MYH15: variants seen among roughly 807,000 people sequenced by gnomAD.
MYH15 encodes the protein myosin-15.
In MYH15, 227 loss-of-function variants were observed where a neutral mutation model predicts 240.5. The ratio of observed to expected loss-of-function variants is 0.94; its 90% CI spans 0.85 to 1.05. MYH15 has a LOEUF of 1.05. Ranked by LOEUF, MYH15 falls within the 50% of genes least tolerant of loss-of-function variation. The probability of loss-of-function intolerance (pLI) is 0.00; values close to 1 mark genes in which losing one functional copy is unlikely to be tolerated. For missense variants in MYH15, 2,217 were observed against 2,247.5 expected (o/e 0.99, Z 0.27); for synonymous variants, 785 against 796.7 (o/e 0.99, Z 0.25).
intron 3 of MYH15, among the ~76,000 whole-genome samples, chr3:108,500,850 T>A (rs2603131): frequency 3.9e-5 from 6 of 152,140 alleles, no homozygotes; most frequent in African/African-American, 1.4e-4. Flanking sequence ...TGTGTTCTTA[T>A]AAGAGACACA....
At chr3:108,533,118 C>CTTTA (rs770730395), upstream of MYH15, among the ~76,000 whole-genome samples, 1 of 97,686 alleles carries the variant, frequency 1.0e-5, no homozygotes, top group Non-Finnish European at 1.9e-5. Flanking sequence ...ACAATAAAAG[C>CTTTA]TTTTTTTTTT....
At chr3:108,527,310 C>A (rs1478897225) in intron 1 of MYH15, among the ~76,000 whole-genome samples, 1 of 152,100 alleles carries the variant, frequency 6.6e-6, no homozygotes, top group Admixed American at 6.6e-5. Flanking sequence ...GCCAGCCCTA[C>A]AAAACAGCCT....
intron 10 of MYH15, 99 bp from the exon 11 acceptor site, chr3:108,485,328 G>A: frequency 3.0e-6 from 4 of 1,327,448 alleles, no homozygotes; most frequent in Non-Finnish European, 4.2e-6. Context: ...TGGGCTGAGG[G>A]GAATGAGACA....
In MYH15 at chr3:108,456,771, T is replaced by C; in HGVS notation, c.2133A>G (p.Lys711=). 6.2e-7 allele frequency: 1 copy of C among 1,608,668 alleles called. No homozygotes were observed. The highest frequency in any genetic ancestry group is 8.5e-7 in the Non-Finnish European group (1 of 1,175,208). Residue 711 remains lysine (K), a synonymous_variant, in exon 19 of 41, where the codon AAA becomes AAG. Transcript: ENST00000693548. The stretch of plus-strand genomic sequence containing the variant: ...ATCCTAGAATGTAGGTTTACCTTTG[T>C]TTAAAATCAGCATACTGCAGTCGGT... ...FPNRLQYADF[K]QRYCILNPRT... is the part of the protein sequence containing the mutation.
At chr3:108,393,394 G>A (rs577676095) in intron 36 of MYH15, among the ~76,000 whole-genome samples, 1 of 152,164 alleles carries the variant, frequency 6.6e-6, no homozygotes, top group Non-Finnish European at 1.5e-5. Flanking sequence ...CGCTAACCAT[G>A]CCCGCTGAGA....
At chr3:108,527,756 T>C (rs2083683843) in intron 1 of MYH15, among the ~76,000 whole-genome samples, 1 of 152,188 alleles carries the variant, frequency 6.6e-6, no homozygotes, top group Non-Finnish European at 1.5e-5. Flanking sequence ...GTGTGAATCA[T>C]AACTCTGTTC....
rs774364586 is a variant in MYH15 at position 108,399,127 on chromosome 3, C to T, written c.4877G>A (p.Arg1626Gln). The change falls in exon 34 of 41, where the codon CGG (arginine) becomes CAG (glutamine). Residue 1626 changes from arginine to glutamine, a missense_variant. Physicochemically the swap from Arg to Gln is conservative, Grantham distance 43. Transcript: ENST00000693548. Reference protein sequence around the residue: ...EMELQLSCANRQVSEATKSLG... With the variant: ...EMELQLSCANQQVSEATKSLG... ...GGATTTGGTTGCTTCTGACACCTGC[C>T]GGTTGGCACAGCTAAGCTGGAGTTC... 59 of 1,614,068 alleles carry T rather than the reference C, an allele frequency of 3.7e-5. 1 individual carries two copies. In the Middle Eastern group the frequency reaches 6.6e-4, roughly 18 times the overall value.
At chr3:108,550,995 T>C in the MYH15 span, 4 of 370,070 alleles carry the variant, frequency 1.1e-5, no homozygotes, top group Non-Finnish European at 1.9e-5. Flanking sequence ...AACTATCAAA[T>C]AAAAAACATG....
chr3:108,515,365 G>A (rs2083553362), upstream of MYH15, among the ~76,000 whole-genome samples: 1 of 152,178 alleles, frequency 6.6e-6, no homozygotes, highest in African/African-American at 2.4e-5. Context: ...TCACAGGGAT[G>A]AGGAGAAGCA....
In MYH15 at chr3:108,426,639, C is replaced by T. The variant is rs1025641601; in HGVS notation, c.3702+1853G>A. ...GGATATTTTGGAGAGCCTTGGGGTT[C>T]AGGCAGAGAATTGCCATGGAAGCAG... On this transcript the variant is annotated intron_variant, in intron 27 of 40. Coordinates refer to ENST00000693548, the MANE Select transcript of MYH15 (RefSeq NM_014981.3). Among the ~76,000 whole-genome samples, 4 of 152,348 alleles carry T rather than the reference C, an allele frequency of 2.6e-5. No homozygotes were observed. The East Asian group carries it at 5.8e-4, about 22-fold the overall frequency.
the MYH15 span, among the ~76,000 whole-genome samples, chr3:108,540,264 G>A: frequency 6.6e-6 from 1 of 152,170 alleles, no homozygotes; most frequent in African/African-American, 2.4e-5. Context: ...GTTAGCTAAA[G>A]TCATGTGTAT....
chr3:108,480,889 C>CAA (rs1366190022), intron 11 of MYH15, among the ~76,000 whole-genome samples: 1 of 152,150 alleles, frequency 6.6e-6, no homozygotes, highest in Non-Finnish European at 1.5e-5. Context: ...TGCCCTTCCC[C>CAA]GTTCCTTCTT....
Position 108,398,574 on chromosome 3 carries a change from A to C in MYH15, c.5133+63T>G, listed in dbSNP as rs559707314. ...CTGTGCATGGTCCAAGGCCGCCCCA[A>C]GTGTGGGAACCACTGCCTTCAACCA... On this transcript the variant is annotated intron_variant, in intron 35 of 40. Coordinates refer to ENST00000693548, the MANE Select transcript of MYH15 (RefSeq NM_014981.3). 2 of 1,547,106 alleles carry C rather than the reference A, an allele frequency of 1.3e-6. 1 individual carries two copies. Among genetic ancestry groups the C allele is most frequent in the South Asian group, 2.2e-5 (2 of 89,092 alleles).
intron 27 of MYH15, among the ~76,000 whole-genome samples, chr3:108,427,960 A>G (rs1366065214): frequency 6.6e-6 from 1 of 152,218 alleles, no homozygotes; most frequent in Non-Finnish European, 1.5e-5. Context: ...ATTTGACATG[A>G]CAGCTTGCAG....
In MYH15 at chr3:108,383,614, G is replaced by A. The variant is rs765620642; in HGVS notation, c.5747C>T (p.Ala1916Val). ...ESQVNKLKIK[A>V]REFGKKVQEE ...CCATACCTTTTTCCCAAACTCTCTT[G>A]CTTTAATTTTGAGTTTATTGACTTG... The change falls in exon 40 of 41, where the codon GCA (alanine) becomes GTA (valine). Residue 1916 changes from alanine to valine, a missense_variant. Transcript: ENST00000693548. 5 of 1,612,708 alleles carry A rather than the reference G, an allele frequency of 3.1e-6. No individual in the cohort carries two copies. In the African/African-American group the frequency reaches 6.7e-5, roughly 22 times the overall value.
intron 21 of MYH15, among the ~76,000 whole-genome samples, chr3:108,445,620 A>G (rs948202606): frequency 6.6e-6 from 1 of 152,184 alleles, no homozygotes; most frequent in African/African-American, 2.4e-5. Context: ...AAGTTCTCCT[A>G]CATAAGGCCC....
rs147990047 is a variant in MYH15, at chr3:108,409,363, G to C, written c.4496-959C>G. Among the ~76,000 whole-genome samples, 158 of 152,198 alleles carry C rather than the reference G, an allele frequency of 1.0e-3. 2 individuals are homozygous for C. The highest frequency in any genetic ancestry group is 3.7e-3 in the African/African-American group (155 of 41,544). ...AAAGCTCACTCAATATTCAAACCCC[G>C]CCCCAGTCCAAAGGTGGTGCCCAGA... On this transcript the variant is annotated intron_variant, in intron 31 of 40. Transcript: ENST00000693548.
chr3:108,487,815 C>G (rs1164352922), intron 9 of MYH15, among the ~76,000 whole-genome samples: 1 of 152,090 alleles, frequency 6.6e-6, no homozygotes, highest in Non-Finnish European at 1.5e-5. Flanking sequence ...AAAAGAACAT[C>G]AATAAATTTG....
At chr3:108,522,052 T>C (rs2083623010) in intron 1 of MYH15, among the ~76,000 whole-genome samples, 1 of 152,154 alleles carries the variant, frequency 6.6e-6, no homozygotes, top group African/African-American at 2.4e-5. Flanking sequence ...GGGGTTTAGT[T>C]TGAAATAAAT....
Sources: gnomAD v4.1 joint callset for allele counts (sites outside exome capture counted in the v4.1 genomes callset) on GRCh38, gnomAD v4.1.1 for gene constraint, MANE v1.5 for transcripts, NCBI Gene and HGNC (gene_info 2026-07-23, HGNC 2026-07-21) for gene names.